The following PHF19 variants were observed in gnomAD, a reference collection of about 807,000 sequenced individuals.
PHF19 encodes PHD finger protein 19.
PHF19 carries 21 observed loss-of-function variants against 79.8 expected under a neutral mutation model. That is an observed-to-expected ratio of 0.26 (90% CI 0.19 to 0.38). The LOEUF (loss-of-function observed/expected upper bound fraction) is 0.38. Among genes scored for constraint, PHF19 ranks in the 10% least tolerant of loss-of-function variants. The pLI is 1.00. For missense variants in PHF19, 445 were observed against 744.2 expected, an observed-to-expected ratio of 0.60 and a Z score of 4.68; for synonymous variants, 273 against 296.3, an observed-to-expected ratio of 0.92 and a Z score of 0.81.
In PHF19 at chr9:120,862,033, G is replaced by GC. The variant is rs1460235263; in HGVS notation, c.1131-29dup. The stretch of plus-strand genomic sequence containing the variant: ...GTGGAGACAGAAGAGGGAGAAGGTG[G>GC]CCCCGTCAGAGCCTGAGGGCCCTAG... On this transcript the variant is annotated intron_variant, in intron 11 of 14. Transcript: ENST00000373896. The surrounding 1 kb of genome is among the most constrained non-coding windows in gnomAD (Gnocchi z 4.6). 2 of 1,568,378 alleles carry GC rather than the reference G, an allele frequency of 1.3e-6. No individual in the cohort carries two copies. Among genetic ancestry groups the GC allele is most frequent in the East Asian group, 2.2e-5 (1 of 44,642 alleles).
chr9:120,882,425 T>C (rs139900635), intron 1 of PHF19, among the ~76,000 whole-genome samples: 2 of 109,742 alleles, frequency 1.8e-5, no homozygotes, highest in East Asian at 2.6e-4. Flanking sequence ...TAAAATCAGA[T>C]TTATCGAAAT....
intron 1 of PHF19, among the ~76,000 whole-genome samples, chr9:120,875,544 A>G (rs1322720474): frequency 1.3e-5 from 2 of 152,090 alleles, no homozygotes; most frequent in Admixed American, 6.5e-5. Context: ...CAGCCGGCCC[A>G]TTTTAAGTGC....
chr9:120,884,230 A>G (rs983807612), intron 1 of PHF19, among the ~76,000 whole-genome samples: 9 of 80,492 alleles, frequency 1.1e-4, no homozygotes, highest in African/African-American at 1.7e-4. Context: ...TAAAAGACTG[A>G]CTCAGATATA....
intron 3 of PHF19, 95 bp downstream of exon 3, chr9:120,873,884 G>GT (rs572509406): frequency 3.2e-4 from 225 of 713,450 alleles, no homozygotes; most frequent in African/African-American, 2.5e-3. Context: ...GATGCCAGGA[G>GT]TAAGAGATGG....
At chr9:120,882,959 G>A (rs184524898) in intron 1 of PHF19, among the ~76,000 whole-genome samples, 241 of 152,106 alleles carry the variant, frequency 1.6e-3, no homozygotes, top group Non-Finnish European at 2.1e-3. Flanking sequence ...CCAGTTAGAC[G>A]AGCCCATGTT....
At position 120,856,511 on chromosome 9, in the gene PHF19, C is replaced by T. The variant is rs1375714338; in HGVS notation, c.*1433G>A. ...CTGGTGCCCACCCTCCACGTCAAGG[C>T]ACTTTTGTCCATTTTCCAATCAAGT... is the stretch of plus-strand genomic sequence containing the variant. On this transcript the variant is annotated 3_prime_UTR_variant, in exon 15 of 15. Coordinates refer to ENST00000373896, the MANE Select transcript of PHF19 (RefSeq NM_015651.3). The T allele has an allele frequency of 6.6e-6, 1 of 152,246 alleles. No individual in the cohort carries two copies. The highest frequency in any genetic ancestry group is 1.5e-5 in the Non-Finnish European group (1 of 68,038). 9.4% of individuals were successfully genotyped at this position (152,246 alleles called of 1,614,324 possible). A position where few individuals can be genotyped will look rare whatever the true frequency, so the allele number is the denominator to read the frequency against.
intron 1 of PHF19, chr9:120,876,882 C>A (rs1468473092): frequency 1.7e-6 from 1 of 573,718 alleles, no homozygotes; most frequent in South Asian, 7.6e-5. Flanking sequence ...TCACCCATGC[C>A]CCCCGGGGCT....
intron 1 of PHF19, among the ~76,000 whole-genome samples, chr9:120,888,242 C>T (rs2046295199): frequency 6.6e-6 from 1 of 152,180 alleles, no homozygotes; most frequent in Admixed American, 6.5e-5. Context: ...TCCCAAAGTG[C>T]TGGGATTACA....
In PHF19 at chr9:120,873,984, T is replaced by C; in HGVS notation, c.263A>G (p.Gln88Arg). 6.4e-7 allele frequency: 1 copy of C among 1,571,996 alleles called. No homozygotes were observed. The highest frequency in any genetic ancestry group is 8.8e-7 in the Non-Finnish European group (1 of 1,142,040). Residue 88 changes from glutamine to arginine, a missense_variant, in exon 3 of 15, where the codon CAG becomes CGG. Physicochemically the swap from Gln to Arg is conservative, Grantham distance 43. Coordinates refer to ENST00000373896, the MANE Select transcript of PHF19 (RefSeq NM_015651.3). ...SKYWVLWKDI[Q>R]HAGVPGEEPK... Reference sequence around the variant, plus strand: ...GAAATGTTAGGAAAACTCACCATGCTGTATGTCCTTCCATAGGACCCAGTA... The same window carrying C: ...GAAATGTTAGGAAAACTCACCATGCCGTATGTCCTTCCATAGGACCCAGTA...
rs2045869047 is a variant in PHF19 at position 120,870,666 on chromosome 9, T to A, written c.269-128A>T. 2 of 635,930 alleles carry A rather than the reference T, an allele frequency of 3.1e-6. No individual in the cohort carries two copies. Among genetic ancestry groups the A allele is most frequent in the African/African-American group, 3.7e-5 (2 of 54,480 alleles). 39.4% of individuals were successfully genotyped at this position (635,930 alleles called of 1,614,324 possible). A position where few individuals can be genotyped will look rare whatever the true frequency, so the allele number is the denominator to read the frequency against. On this transcript the variant is annotated intron_variant, in intron 3 of 14. Transcript: ENST00000373896. The surrounding 1 kb of genome is among the most constrained non-coding windows in gnomAD (Gnocchi z 4.4). Reference sequence around the variant, plus strand: ...GGGCCCCACATGCCACCTCACTGAATCTCCCCAACCACTCTGAGATGCCTA... The same window carrying A: ...GGGCCCCACATGCCACCTCACTGAAACTCCCCAACCACTCTGAGATGCCTA...
chr9:120,877,376 G>C (rs1286386822), upstream of PHF19: 3 of 980,242 alleles, frequency 3.1e-6, no homozygotes, highest in Non-Finnish European at 2.4e-6. Flanking sequence ...ATTAGCGGGG[G>C]CCGCGCCGGC....
rs2045492676 is a variant in PHF19, at chr9:120,860,593, T to C, written c.1305-408A>G. On this transcript the variant is annotated intron_variant, in intron 13 of 14. Coordinates refer to ENST00000373896, the MANE Select transcript of PHF19 (RefSeq NM_015651.3). This position sits in a 1 kb window ranked among gnomAD's most constrained non-coding sequence, Gnocchi z 4.1. ...GCAGGGTCTGGAGTTCAGGTCTGAC[T>C]CTAAAGCCCTCCTCTGTGTCCTCAG... 1 of 237,642 alleles carries C rather than the reference T, an allele frequency of 4.2e-6. No individual in the cohort carries two copies. The highest frequency in any genetic ancestry group is 2.2e-5 in the African/African-American group (1 of 44,974). The allele number at this position is 237,642 out of a possible 1,614,324, so 14.7% of individuals were successfully genotyped here. A position where few individuals can be genotyped will look rare whatever the true frequency, so the allele number is the denominator to read the frequency against.
At chr9:120,872,688 T>C (rs2045938310) in intron 3 of PHF19, among the ~76,000 whole-genome samples, 1 of 151,498 alleles carries the variant, frequency 6.6e-6, no homozygotes, top group Non-Finnish European at 1.5e-5. Context: ...CTTTTTCTTT[T>C]CTTTTTTTTT....
At chr9:120,865,677 C>T in intron 9 of PHF19, 33 bp downstream of exon 9, 1 of 1,613,610 alleles carries the variant, frequency 6.2e-7, no homozygotes, top group Non-Finnish European at 8.5e-7. Context: ...ACCTCTCTGC[C>T]TCCTGCCACT....
chr9:120,871,854 A>C (rs1270849586), intron 3 of PHF19, among the ~76,000 whole-genome samples: 2 of 151,890 alleles, frequency 1.3e-5, no homozygotes, highest in Non-Finnish European at 2.9e-5. Context: ...CCTGCCCAAT[A>C]GGGTGACACC....
intron 1 of PHF19, chr9:120,876,835 G>A: frequency 7.7e-6 from 2 of 260,328 alleles, no homozygotes; most frequent in Non-Finnish European, 1.2e-5. Context: ...CACCCCGATA[G>A]GAAAATTAAA....
upstream of PHF19, among the ~76,000 whole-genome samples, chr9:120,879,452 C>T (rs144857388): frequency 3.9e-5 from 6 of 152,228 alleles, no homozygotes; most frequent in East Asian, 1.2e-3. Context: ...TGAGCCAGGG[C>T]GGGGTCTTGG....
Position 120,866,375 on chromosome 9 carries a change from C to A in PHF19, c.711-279G>T, listed in dbSNP as rs1483507082. Reference sequence around the variant, plus strand: ...AGCTAGGCTGGGCTGCCATGGTCACCCTCTTCCCCTCTGAGACAGCCACAC... The same window carrying A: ...AGCTAGGCTGGGCTGCCATGGTCACACTCTTCCCCTCTGAGACAGCCACAC... On this transcript the variant is annotated intron_variant, in intron 7 of 14. Transcript: ENST00000373896. This position sits in a 1 kb window ranked among gnomAD's most constrained non-coding sequence, Gnocchi z 5.2. Among the ~76,000 whole-genome samples the A allele has an allele frequency of 2.0e-5, 3 of 152,170 alleles. No homozygotes were observed. Among genetic ancestry groups the A allele is most frequent in the Admixed American group, 6.5e-5 (1 of 15,274 alleles).
chr9:120,876,705 C>T (rs1289873017), intron 1 of PHF19, among the ~76,000 whole-genome samples: 1 of 152,162 alleles, frequency 6.6e-6, no homozygotes, highest in African/African-American at 2.4e-5. Flanking sequence ...CAGAAGCACC[C>T]CCTTCGGGTT....
Sources: allele counts gnomAD v4.1 joint callset (sites outside exome capture counted in the v4.1 genomes callset), GRCh38; gene constraint gnomAD v4.1.1; non-coding constraint Gnocchi (gnomAD v3.1); transcripts MANE v1.5; gene names NCBI Gene and HGNC (gene_info 2026-07-23, HGNC 2026-07-21).